Variants in MYO1B observed in about 807,000 individuals in gnomAD.
MYO1B encodes myosin IB, also known as unconventional myosin-Ib.
In MYO1B, 72 loss-of-function variants were observed where a neutral mutation model predicts 159.7. That is an observed-to-expected ratio of 0.45 (90% confidence interval 0.37 to 0.55). The LOEUF is 0.55. MYO1B is among the 20% of genes least tolerant of loss of function. The pLI, the probability that MYO1B is intolerant of heterozygous loss-of-function variation, is 0.00. For missense variants in MYO1B, 1,062 were observed against 1,364.8 expected (o/e 0.78, Z 3.50); for synonymous variants, 468 against 473.8 (o/e 0.99, Z 0.16).
chr2:191,250,111 C>T (rs1048192819), intron 1 of MYO1B, among the ~76,000 whole-genome samples: 1 of 152,132 alleles, frequency 6.6e-6, no homozygotes, highest in Non-Finnish European at 1.5e-5. Flanking sequence ...CTTTCAGGGT[C>T]GTTGTAGCAG....
intron 13 of MYO1B, among the ~76,000 whole-genome samples, chr2:191,375,950 C>T (rs575003949): frequency 1.3e-3 from 196 of 147,412 alleles, no homozygotes; most frequent in Non-Finnish European, 2.1e-3. Flanking sequence ...CAGAGCGAGA[C>T]TCCGTATCAA....
At chr2:191,338,874 T>TTG (rs1419665307) in intron 4 of MYO1B, among the ~76,000 whole-genome samples, 1 of 152,044 alleles carries the variant, frequency 6.6e-6, no homozygotes, top group Non-Finnish European at 1.5e-5. Flanking sequence ...GAGTGTGTAT[T>TTG]TGTGTGTGTG....
At chr2:191,364,004 G>T in intron 10 of MYO1B, 129 bp downstream of exon 10, 1 of 1,287,006 alleles carries the variant, frequency 7.8e-7, no homozygotes, top group Non-Finnish European at 1.1e-6. Flanking sequence ...AAACTGAGCA[G>T]AAATAGAACT....
chr2:191,386,662 G>A (rs746541183), intron 16 of MYO1B, among the ~76,000 whole-genome samples: 5 of 151,886 alleles, frequency 3.3e-5, no homozygotes, highest in Admixed American at 2.6e-4. Flanking sequence ...TCATAAAATT[G>A]CAAACTTCAA....
At chr2:191,276,828 A>C (rs1687780420) in intron 1 of MYO1B, 59 bp from the exon 2 acceptor site, 1 of 1,549,468 alleles carries the variant, frequency 6.5e-7, no homozygotes, top group South Asian at 1.2e-5. Context: ...AGTAGTGCCA[A>C]GAACCTATTT....
intron 30 of MYO1B, among the ~76,000 whole-genome samples, chr2:191,421,191 C>G (rs1697915031): frequency 6.6e-6 from 1 of 151,332 alleles, no homozygotes; most frequent in African/African-American, 2.4e-5. Context: ...TGCCTCAGTT[C>G]CCCGAGTAGC....
At position 191,421,952 on chromosome 2, in the gene MYO1B, G is replaced by T. The variant is rs147765479; in HGVS notation, c.3288-1885G>T. Reference sequence around the variant, plus strand: ...GTCCTTTCCTCATTGCTTTCAAGTTGAAAATGAAGAACCCATTTAAAAGAT... The same window carrying T: ...GTCCTTTCCTCATTGCTTTCAAGTTTAAAATGAAGAACCCATTTAAAAGAT... On this transcript the variant is annotated intron_variant, in intron 30 of 30. Coordinates refer to ENST00000392318, the MANE Select transcript of MYO1B (RefSeq NM_001130158.3). Among the ~76,000 whole-genome samples the T allele has an allele frequency of 9.9e-3, 1,510 of 152,218 alleles. 22 individuals are homozygous for T. The highest frequency in any genetic ancestry group is 0.035 in the African/African-American group (1,449 of 41,522).
rs1013720330 is a variant in MYO1B at position 191,393,099 on chromosome 2, G to A, written c.2103G>A (p.Lys701=). ...TATTCAAATTAGAAGACCTGAGGAA[G>A]CAACGCCTGGAGGACTTGGCCACTC... ...RTLFKLEDLR[K]QRLEDLATLI... Residue 701 remains lysine, a synonymous_variant, in exon 20 of 31, where the codon AAG becomes AAA. Coordinates refer to ENST00000392318, the MANE Select transcript of MYO1B (RefSeq NM_001130158.3). 1 of 1,613,610 alleles carries A rather than the reference G, an allele frequency of 6.2e-7. No homozygotes were observed. The highest frequency in any genetic ancestry group is 8.5e-7 in the Non-Finnish European group (1 of 1,179,816).
In MYO1B at chr2:191,341,865, A is replaced by G. The variant is rs145595017; in HGVS notation, c.451+300A>G. Among the ~76,000 whole-genome samples, 6 of 152,092 alleles carry G rather than the reference A, an allele frequency of 3.9e-5. No individual in the cohort carries two copies. In the East Asian group the frequency reaches 1.2e-3, roughly 29 times the overall value. On this transcript the variant is annotated intron_variant, in intron 5 of 30. Coordinates refer to ENST00000392318, the MANE Select transcript of MYO1B (RefSeq NM_001130158.3). ...ATAATCAACTGATCATTTGCATATG[A>G]TGGTGCAGTGCTGTTTTATTATTCA...
In MYO1B at chr2:191,276,883, G is replaced by C; in HGVS notation, c.-9-4G>C. The C allele has an allele frequency of 1.3e-6, 2 of 1,596,260 alleles. No individual in the cohort carries two copies. The highest frequency in any genetic ancestry group is 1.7e-6 in the Non-Finnish European group (2 of 1,173,978). ...AAATTGACCCCTTTCCCTCTCTTCT[G>C]CAGCTGGAGACCATGGCCAAAATGG... On this transcript the variant is annotated splice_polypyrimidine_tract_variant and splice_region_variant and intron_variant, in intron 1 of 30. Transcript: ENST00000392318.
intron 1 of MYO1B, among the ~76,000 whole-genome samples, chr2:191,271,577 T>C (rs1466515090): frequency 2.0e-5 from 3 of 152,218 alleles, no homozygotes; most frequent in African/African-American, 7.2e-5. Context: ...AATATTCTTA[T>C]TAATCATTGC....
intron 1 of MYO1B, among the ~76,000 whole-genome samples, chr2:191,265,744 A>G (rs1273579214): frequency 6.6e-6 from 1 of 152,210 alleles, no homozygotes; most frequent in African/African-American, 2.4e-5. Flanking sequence ...TATAATTAGC[A>G]TGTTCCCCTG....
chr2:191,383,545 C>T (rs1164284796), intron 15 of MYO1B, among the ~76,000 whole-genome samples: 3 of 22,026 alleles, frequency 1.4e-4, no homozygotes, highest in Non-Finnish European at 2.6e-4. Flanking sequence ...CACACACACA[C>T]ACATATATAT....
chr2:191,376,900 G>A lies in MYO1B; in HGVS notation c.1186-4562G>A, dbSNP rs1186949534. Among the ~76,000 whole-genome samples, 3 of 152,266 alleles carry A rather than the reference G, an allele frequency of 2.0e-5. No homozygotes were observed. The East Asian group carries it at 5.8e-4, about 29-fold the overall frequency. ...TAAAATATCATCAGTCTCCTTTGTT[G>A]CTAAGGAGAATATACAAAGGGGCCA... On this transcript the variant is annotated intron_variant, in intron 13 of 30. Transcript: ENST00000392318.
chr2:191,314,519 C>T (rs938637194), intron 3 of MYO1B, among the ~76,000 whole-genome samples: 2 of 152,190 alleles, frequency 1.3e-5, no homozygotes, highest in Non-Finnish European at 2.9e-5. Context: ...ATGTTGGTCT[C>T]TTCTATATTC....
intron 17 of MYO1B, chr2:191,388,268 C>A (rs1695521575): frequency 6.7e-6 from 1 of 149,424 alleles, no homozygotes; most frequent in South Asian, 2.1e-4. Context: ...CAATACAAGA[C>A]TCCATCTCAA....
chr2:191,340,779 G>T (rs1416437768), intron 4 of MYO1B, among the ~76,000 whole-genome samples: 1 of 151,736 alleles, frequency 6.6e-6, no homozygotes. Flanking sequence ...AGGCTGGAGT[G>T]CAGTGGTGCG....
At chr2:191,384,632 T>G (rs1298828211) in intron 15 of MYO1B, among the ~76,000 whole-genome samples, 3 of 152,246 alleles carry the variant, frequency 2.0e-5, no homozygotes, top group African/African-American at 4.8e-5. Flanking sequence ...CCTGAAAATT[T>G]TCCTGGTACA....
intron 13 of MYO1B, among the ~76,000 whole-genome samples, chr2:191,375,048 G>A (rs1227496799): frequency 6.6e-6 from 1 of 152,166 alleles, no homozygotes; most frequent in African/African-American, 2.4e-5. Flanking sequence ...TTAGTGTTCT[G>A]TAGACCAAAG....
Sources: allele counts gnomAD v4.1 joint callset (sites outside exome capture counted in the v4.1 genomes callset), GRCh38; gene constraint gnomAD v4.1.1; transcripts MANE v1.5; gene names NCBI Gene and HGNC (gene_info 2026-07-23, HGNC 2026-07-21).